GABRB2: variants seen among roughly 807,000 people sequenced by gnomAD.
The protein encoded by GABRB2 is gamma-aminobutyric acid type A receptor subunit beta2.
A neutral mutation model predicts 54.7 loss-of-function variants in GABRB2; 16 were observed. That is an observed-to-expected ratio of 0.29 (90% CI 0.20 to 0.44). The LOEUF (loss-of-function observed/expected upper bound fraction) is 0.44, where lower values mean the gene tolerates loss of function less well. Ranked by LOEUF, GABRB2 falls within the 20% of genes least tolerant of loss-of-function variation. GABRB2 has a pLI of 1.00. For missense variants in GABRB2, 355 were observed against 644.0 expected (o/e 0.55, Z 4.86); for synonymous variants, 244 against 233.8 (o/e 1.04, Z -0.40).
intron 4 of GABRB2, among the ~76,000 whole-genome samples, chr5:161,456,728 T>C (rs545021349): frequency 2.0e-5 from 3 of 152,328 alleles, no homozygotes; most frequent in Non-Finnish European, 2.9e-5. Flanking sequence ...GACAAGTACA[T>C]GCTAAGTCTC....
intron 5 of GABRB2, among the ~76,000 whole-genome samples, chr5:161,374,457 A>G (rs931963079): frequency 2.0e-5 from 3 of 152,092 alleles, no homozygotes; most frequent in African/African-American, 7.2e-5. Context: ...TGTTCATTGA[A>G]CCCATCAGCA....
chr5:161,507,704 C>T (rs1368010780), intron 3 of GABRB2, among the ~76,000 whole-genome samples: 2 of 151,770 alleles, frequency 1.3e-5, no homozygotes, highest in South Asian at 2.1e-4. Flanking sequence ...TAAAACAGAC[C>T]CTTCACAAAA....
intron 8 of GABRB2, chr5:161,326,919 G>T: frequency 1.2e-6 from 1 of 828,110 alleles, no homozygotes; most frequent in Non-Finnish European, 1.5e-6. Context: ...CGTGTTCTTA[G>T]TATTTGGCAG....
intron 3 of GABRB2, among the ~76,000 whole-genome samples, chr5:161,471,019 C>T (rs960053006): frequency 2.0e-5 from 3 of 151,930 alleles, no homozygotes; most frequent in Admixed American, 6.6e-5. Context: ...CTGAATCACC[C>T]AAGAAATTTG....
At chr5:161,414,742 T>C (rs1227779267) in intron 4 of GABRB2, among the ~76,000 whole-genome samples, 1 of 151,064 alleles carries the variant, frequency 6.6e-6, no homozygotes, top group Admixed American at 6.6e-5. Flanking sequence ...TTAATTATTA[T>C]TATAATAATA....
At chr5:161,481,055 C>T (rs1758747865) in intron 3 of GABRB2, among the ~76,000 whole-genome samples, 1 of 152,016 alleles carries the variant, frequency 6.6e-6, no homozygotes, top group Non-Finnish European at 1.5e-5. Context: ...AAATCTACAT[C>T]TATTCAAACA....
intron 4 of GABRB2, among the ~76,000 whole-genome samples, chr5:161,439,917 T>A (rs1156343646): frequency 6.6e-6 from 1 of 151,964 alleles, no homozygotes; most frequent in African/African-American, 2.4e-5. Context: ...CAAACCACAA[T>A]AGCACATGTT....
intron 9 of GABRB2, among the ~76,000 whole-genome samples, chr5:161,297,454 C>G (rs1179029976): frequency 2.0e-5 from 3 of 152,048 alleles, no homozygotes; most frequent in East Asian, 1.9e-4. Context: ...CCTGACAGGC[C>G]TTGGTGTGTG....
chr5:161,441,085 A>G (rs1397795039), intron 4 of GABRB2, among the ~76,000 whole-genome samples: 1 of 152,194 alleles, frequency 6.6e-6, no homozygotes, highest in Non-Finnish European at 1.5e-5. Context: ...CTGCAAGCAC[A>G]GGCAACCAAA....
intron 3 of GABRB2, among the ~76,000 whole-genome samples, chr5:161,479,039 G>A (rs1758676322): frequency 6.6e-6 from 1 of 151,988 alleles, no homozygotes; most frequent in Non-Finnish European, 1.5e-5. Context: ...CTGAGAGGAA[G>A]ACCAATTTGC....
At position 161,414,668 on chromosome 5, in the gene GABRB2, A is replaced by C. The variant is rs141060695; in HGVS notation, c.459-3611T>G. On this transcript the variant is annotated intron_variant, in intron 4 of 9. Transcript: ENST00000393959. ...GATCAGGAGCCACATCTGTTCTGTC[A>C]TACTTATATCTCAAGCCCTTTGATA... Among the ~76,000 whole-genome samples the C allele has an allele frequency of 3.2e-3, 487 of 152,170 alleles. 1 individual carries two copies. Among genetic ancestry groups the C allele is most frequent in the African/African-American group, 0.01 (433 of 41,548 alleles).
At chr5:161,481,941 G>A (rs1035060043) in intron 3 of GABRB2, among the ~76,000 whole-genome samples, 2 of 151,998 alleles carry the variant, frequency 1.3e-5, no homozygotes, top group East Asian at 2.0e-4. Context: ...ACTTAGAAAC[G>A]GGAGGCCTTT....
intron 3 of GABRB2, among the ~76,000 whole-genome samples, chr5:161,539,262 C>T (rs149001505): frequency 3.9e-5 from 6 of 152,274 alleles, no homozygotes; most frequent in South Asian, 4.1e-4. Context: ...AATTTAACCA[C>T]GACATCTAAA....
At chr5:161,352,708 A>G (rs1484345066) in intron 5 of GABRB2, among the ~76,000 whole-genome samples, 2 of 152,052 alleles carry the variant, frequency 1.3e-5, no homozygotes, top group Non-Finnish European at 2.9e-5. Flanking sequence ...ATGTGTTCTC[A>G]TTGCAAAAAA....
chr5:161,312,931 GCTTCT>G (rs1166654191), intron 9 of GABRB2, among the ~76,000 whole-genome samples: 2 of 152,180 alleles, frequency 1.3e-5, no homozygotes, highest in Non-Finnish European at 2.9e-5. Context: ...GTAAACACTA[GCTTCT>G]GAAAGACATC....
At chr5:161,505,299 T>G (rs1001080524) in intron 3 of GABRB2, among the ~76,000 whole-genome samples, 1 of 151,912 alleles carries the variant, frequency 6.6e-6, no homozygotes, top group Non-Finnish European at 1.5e-5. Context: ...CCCGACAAAT[T>G]TTTGTATTTT....
intron 3 of GABRB2, among the ~76,000 whole-genome samples, chr5:161,534,178 T>C (rs1760555933): frequency 1.3e-5 from 2 of 152,120 alleles, no homozygotes; most frequent in Admixed American, 6.5e-5. Context: ...CCAGGGTGCA[T>C]TTGATAATTT....
At chr5:161,404,520 T>C (rs1014948604) in intron 5 of GABRB2, among the ~76,000 whole-genome samples, 1 of 151,990 alleles carries the variant, frequency 6.6e-6, no homozygotes, top group Non-Finnish European at 1.5e-5. Flanking sequence ...CATGCACACA[T>C]ACCTTCTCTT....
intron 5 of GABRB2, among the ~76,000 whole-genome samples, chr5:161,378,921 G>T (rs545093368): frequency 6.6e-6 from 1 of 152,148 alleles, no homozygotes; most frequent in Admixed American, 6.6e-5. Flanking sequence ...TGCACACAAG[G>T]CCCAGGAGAG....
Sources: allele counts gnomAD v4.1 joint callset (sites outside exome capture counted in the v4.1 genomes callset), GRCh38; gene constraint gnomAD v4.1.1; transcripts MANE v1.5; gene names NCBI Gene and HGNC (gene_info 2026-07-23, HGNC 2026-07-21).